The following ZNF480 variants were observed in gnomAD, a reference collection of about 807,000 sequenced individuals.
The protein encoded by ZNF480 is zinc finger protein 480.
In ZNF480, 15 loss-of-function variants were observed where a neutral mutation model predicts 14.4. The ratio of observed to expected loss-of-function variants is 1.04; its 90% CI spans 0.70 to 1.60. ZNF480 has a LOEUF of 1.60. Ranked by LOEUF, ZNF480 falls within the 40% of genes most tolerant of loss-of-function variation. The probability of loss-of-function intolerance (pLI) is 0.00; values close to 1 mark genes in which losing one functional copy is unlikely to be tolerated. For synonymous variants in ZNF480, 218 were observed against 215.5 expected (o/e 1.01, Z -0.10); for missense variants, 593 against 629.7 (o/e 0.94, Z 0.62).
chr19:52,297,857 C>T (rs1446927568), intron 1 of ZNF480: 3 of 152,286 alleles, frequency 2.0e-5, no homozygotes, highest in Non-Finnish European at 4.4e-5. Flanking sequence ...ATCCCAATTC[C>T]TTCCATGTGA....
chr19:52,304,423 G>A (rs1046691302), intron 2 of ZNF480, among the ~76,000 whole-genome samples: 1 of 152,136 alleles, frequency 6.6e-6, no homozygotes, highest in Non-Finnish European at 1.5e-5. Flanking sequence ...GAGAATTCCA[G>A]GGGGAAAATG....
chr19:52,298,196 G>A (rs1982504735), intron 1 of ZNF480, among the ~76,000 whole-genome samples: 1 of 152,088 alleles, frequency 6.6e-6, no homozygotes, highest in Non-Finnish European at 1.5e-5. Context: ...GACAGCAAGA[G>A]GAGTCAGCTG....
At position 52,316,269 on chromosome 19, in the gene ZNF480, C is replaced by T. The variant is rs758458494; in HGVS notation, c.328+307C>T. On this transcript the variant is annotated intron_variant, in intron 4 of 4. Coordinates refer to ENST00000595962, the MANE Select transcript of ZNF480 (RefSeq NM_144684.4). Reference sequence around the variant, plus strand: ...TGAGATGGAATTTTGCTCTATTGCCCGGGCTGAAGTGCAGTGGCGCTATCT... The same window carrying T: ...TGAGATGGAATTTTGCTCTATTGCCTGGGCTGAAGTGCAGTGGCGCTATCT... Among the ~76,000 whole-genome samples the T allele has an allele frequency of 6.9e-4, 101 of 146,008 alleles. 1 individual carries two copies. The highest frequency in any genetic ancestry group is 9.1e-4 in the Admixed American group (13 of 14,286).
intron 4 of ZNF480, among the ~76,000 whole-genome samples, chr19:52,316,712 C>T (rs1983574499): frequency 1.3e-5 from 2 of 152,048 alleles, no homozygotes. Context: ...AACTAATTCC[C>T]CCGACAATTT....
intron 2 of ZNF480, among the ~76,000 whole-genome samples, chr19:52,311,740 A>G (rs1369689721): frequency 6.6e-6 from 1 of 152,118 alleles, no homozygotes; most frequent in Non-Finnish European, 1.5e-5. Context: ...CCAGGAGTTC[A>G]AGGCCATAGT....
intron 2 of ZNF480, chr19:52,302,109 CA>C (rs1465833442): frequency 4.1e-6 from 1 of 242,798 alleles, no homozygotes; most frequent in Non-Finnish European, 8.2e-6. Flanking sequence ...TAATGGTATC[CA>C]AATCGGCTGC....
intron 1 of ZNF480, among the ~76,000 whole-genome samples, chr19:52,298,693 A>G (rs191207): frequency 0.081 from 12,324 of 151,978 alleles, 1,695 homozygotes; most frequent in African/African-American, 0.28. Context: ...ATTGAGCAGA[A>G]AGTTTGGAAG....
In ZNF480 at chr19:52,324,398, AC is replaced by A. The variant is rs1409806662; in HGVS notation, c.*1541del. 1 of 152,226 alleles carries A rather than the reference AC, an allele frequency of 6.6e-6. No homozygotes were observed. Among genetic ancestry groups the A allele is most frequent in the Non-Finnish European group, 1.5e-5 (1 of 68,038 alleles). 9.4% of individuals were successfully genotyped at this position (152,226 alleles called of 1,614,324 possible). ...ACAGAGCCAATGCTATTTCTATCAA[AC>A]TACCAATGGCATTTTTCACAGAATC... On this transcript the variant is annotated 3_prime_UTR_variant, in exon 5 of 5. Coordinates refer to ENST00000595962, the MANE Select transcript of ZNF480 (RefSeq NM_144684.4).
At chr19:52,298,347 G>A (rs898684373) in intron 1 of ZNF480, among the ~76,000 whole-genome samples, 4 of 151,968 alleles carry the variant, frequency 2.6e-5, no homozygotes, top group African/African-American at 9.7e-5. Context: ...AGGGGAAGAG[G>A]CAAGACCGGG....
chr19:52,318,322 G>T (rs933993579), intron 4 of ZNF480, among the ~76,000 whole-genome samples: 2 of 152,044 alleles, frequency 1.3e-5, no homozygotes, highest in Non-Finnish European at 2.9e-5. Flanking sequence ...TGGCCAGGCT[G>T]GTCTTGAACT....
At chr19:52,302,865 C>T (rs372622277) in intron 2 of ZNF480, among the ~76,000 whole-genome samples, 1 of 152,162 alleles carries the variant, frequency 6.6e-6, no homozygotes. Flanking sequence ...GTGAAAGTGT[C>T]TGGCATTAGA....
At chr19:52,301,389 TA>T (rs1266861050) in intron 2 of ZNF480, 1 of 152,220 alleles carries the variant, frequency 6.6e-6, no homozygotes, top group Admixed American at 6.5e-5. Flanking sequence ...TTGTAATATC[TA>T]AAGATAAATT....
chr19:52,322,410 CACA>C lies in ZNF480; in HGVS notation c.1164_1166del (p.Gln388del). 6.2e-7 allele frequency: 1 copy of C among 1,613,972 alleles called. No individual in the cohort carries two copies. The highest frequency in any genetic ancestry group is 8.5e-7 in the Non-Finnish European group (1 of 1,179,994). The stretch of plus-strand genomic sequence containing the variant: ...GTCTTTATTCAAAATTCGCACCTAG[CACA>C]ACATTGGAGAATTCATACAGGAGAG... On this transcript the variant is annotated inframe_deletion, in exon 5 of 5. Transcript: ENST00000595962.
chr19:52,313,628 A>G (rs537623295), intron 2 of ZNF480, among the ~76,000 whole-genome samples: 4 of 152,286 alleles, frequency 2.6e-5, no homozygotes, highest in Admixed American at 2.6e-4. Flanking sequence ...TGCATTTCTT[A>G]TATGTCCACA....
Position 52,321,764 on chromosome 19 carries a change from TC to T in ZNF480, c.516del (p.Ser173ValfsTer51), listed in dbSNP as rs778081349. ...TGTTTCCTGTCTTCAAGAAATGTCT[TC>T]CAGTGTCAAAACCCCCATTTTTAAT... ...SSVSCLQEMS[S>X]SVKTPIFNRN... On this transcript the variant is annotated frameshift_variant, in exon 5 of 5. Coordinates refer to ENST00000595962, the MANE Select transcript of ZNF480 (RefSeq NM_144684.4). LOFTEE classifies it low-confidence loss of function (END_TRUNC). The T allele has an allele frequency of 6.2e-7, 1 of 1,613,704 alleles. No homozygotes were observed. Among genetic ancestry groups the T allele is most frequent in the African/African-American group, 1.3e-5 (1 of 75,028 alleles).
intron 2 of ZNF480, among the ~76,000 whole-genome samples, chr19:52,302,679 A>G (rs1982752157): frequency 6.6e-6 from 1 of 152,236 alleles, no homozygotes; most frequent in Admixed American, 6.5e-5. Context: ...AGGAACATAA[A>G]TGACATCCAT....
intron 4 of ZNF480, among the ~76,000 whole-genome samples, chr19:52,318,437 C>T (rs1983659059): frequency 6.6e-6 from 1 of 152,080 alleles, no homozygotes; most frequent in Non-Finnish European, 1.5e-5. Context: ...AAGTTTTTAT[C>T]ACAGATATGA....
chr19:52,306,212 A>G (rs183847457), intron 2 of ZNF480, among the ~76,000 whole-genome samples: 21 of 152,278 alleles, frequency 1.4e-4, no homozygotes, highest in Admixed American at 5.2e-4. Flanking sequence ...TAACCACAAC[A>G]CTACGTCCTG....
In ZNF480 at chr19:52,322,673, A is replaced by C. The variant is rs1365795258; in HGVS notation, c.1423A>C (p.Arg475=). ...CAAGTTATCACTAACCAATCATCAG[A>C]GAATCCATACTGGAGAAAGACCTTA... ...RHKLSLTNHQ[R]IHTGERPYKC... The change falls in exon 5 of 5, where the codon AGA becomes CGA. Residue 475 remains arginine (R), a synonymous_variant. Coordinates refer to ENST00000595962, the MANE Select transcript of ZNF480 (RefSeq NM_144684.4). 6.2e-7 allele frequency: 1 copy of C among 1,613,858 alleles called. No individual in the cohort carries two copies. The highest frequency in any genetic ancestry group is 8.5e-7 in the Non-Finnish European group (1 of 1,179,842).
Sources: allele counts gnomAD v4.1 joint callset (sites outside exome capture counted in the v4.1 genomes callset), GRCh38; gene constraint gnomAD v4.1.1; transcripts MANE v1.5; gene names NCBI Gene and HGNC (gene_info 2026-07-23, HGNC 2026-07-21).